SLC28A1: variants seen among roughly 807,000 people sequenced by gnomAD.
SLC28A1 encodes the protein sodium/nucleoside cotransporter 1.
Under a neutral mutation model 74.8 loss-of-function variants are expected in SLC28A1, and 64 were observed. That is an observed-to-expected ratio of 0.86 (90% CI 0.70 to 1.05). The LOEUF is 1.05. SLC28A1 is among the 50% of genes least tolerant of loss of function. SLC28A1 has a pLI of 0.00. For synonymous variants in SLC28A1, 359 were observed against 335.0 expected, an observed-to-expected ratio of 1.07 and a Z score of -0.78; for missense variants, 828 against 822.8, an observed-to-expected ratio of 1.01 and a Z score of -0.08.
intron 15 of SLC28A1, among the ~76,000 whole-genome samples, chr15:84,939,057 T>C (rs758626098): frequency 2.0e-5 from 3 of 152,150 alleles, no homozygotes; most frequent in Non-Finnish European, 4.4e-5. Context: ...TGGTGGCTCA[T>C]ACCTGTAACC....
the SLC28A1 span, among the ~76,000 whole-genome samples, chr15:84,974,186 T>C: frequency 6.6e-6 from 1 of 152,358 alleles, no homozygotes; most frequent in East Asian, 1.9e-4. Context: ...GTAACCAGTG[T>C]GCTGCTTTGC....
chr15:84,966,758 A>G, the SLC28A1 span, among the ~76,000 whole-genome samples: 1 of 152,174 alleles, frequency 6.6e-6, no homozygotes, highest in South Asian at 2.1e-4. Context: ...CTTATTCACT[A>G]TCACGAGAAC....
chr15:84,905,429 C>T, intron 7 of SLC28A1, 110 bp from the exon 8 acceptor site: 1 of 767,550 alleles, frequency 1.3e-6, no homozygotes, highest in African/African-American at 1.7e-5. Flanking sequence ...CTCTGCCTGG[C>T]TCCAGCCCCA....
At chr15:84,901,475 C>T (rs964660283) in intron 6 of SLC28A1, among the ~76,000 whole-genome samples, 4 of 151,820 alleles carry the variant, frequency 2.6e-5, no homozygotes, top group African/African-American at 9.7e-5. Flanking sequence ...TGCCTCTGCA[C>T]TCCAGCCTGT....
the SLC28A1 span, among the ~76,000 whole-genome samples, chr15:84,963,558 G>A: frequency 1.3e-5 from 2 of 152,216 alleles, no homozygotes; most frequent in South Asian, 2.1e-4. Flanking sequence ...CCACAACACA[G>A]TATGGGACAG....
chr15:84,956,442 C>CCTTTCTTTCTTTCTTTCTTTCTTTCTTT, the SLC28A1 span, among the ~76,000 whole-genome samples: 10 of 124,568 alleles, frequency 8.0e-5, no homozygotes, highest in Admixed American at 4.2e-4. Context: ...TTCCTTCCTT[C>CCTTTCTTTCTTTCTTTCTTTCTTTCTTT]CTTTCTTTCT....
At chr15:84,958,495 A>G in the SLC28A1 span, among the ~76,000 whole-genome samples, 1 of 151,524 alleles carries the variant, frequency 6.6e-6, no homozygotes, top group Non-Finnish European at 1.5e-5. Context: ...CACTTGGTTA[A>G]TAGCTTAGTA....
chr15:84,895,327 G>A, intron 6 of SLC28A1: 1 of 1,611,612 alleles, frequency 6.2e-7, no homozygotes, highest in Non-Finnish European at 8.5e-7. Context: ...CCCAGTTACA[G>A]CAGGTGACTG....
chr15:84,945,273 C>A lies in SLC28A1; in HGVS notation c.*73C>A. ...CGGGAACCATCTGTCCCCACCTTCC[C>A]TTTCCCAGAGCCCTCTTCAGGGAAG... On this transcript the variant is annotated 3_prime_UTR_variant, in exon 19 of 19. Transcript: ENST00000394573. The A allele has an allele frequency of 7.0e-7, 1 of 1,418,674 alleles. No homozygotes were observed. Among genetic ancestry groups the A allele is most frequent in the Non-Finnish European group, 9.9e-7 (1 of 1,005,166 alleles). The allele number at this position is 1,418,674 out of a possible 1,614,324, so 87.9% of individuals were successfully genotyped here. A position where few individuals can be genotyped will look rare whatever the true frequency, so the allele number is the denominator to read the frequency against.
intron 8 of SLC28A1, among the ~76,000 whole-genome samples, chr15:84,906,564 CTCTTTCTT>C (rs796479204): frequency 0.017 from 1,258 of 74,958 alleles, 37 homozygotes; most frequent in African/African-American, 0.037. Flanking sequence ...TTCTTTCTTT[CTCTTTCTT>C]TCTTCCTTCC....
chr15:84,901,006 G>C (rs980459204), intron 6 of SLC28A1, among the ~76,000 whole-genome samples: 1 of 150,112 alleles, frequency 6.7e-6, no homozygotes, highest in South Asian at 2.1e-4. Flanking sequence ...GGCAGATCAC[G>C]AGGTCAAGAG....
intron 9 of SLC28A1, among the ~76,000 whole-genome samples, chr15:84,915,598 C>T (rs1459596296): frequency 6.6e-6 from 1 of 152,188 alleles, no homozygotes; most frequent in Admixed American, 6.5e-5. Flanking sequence ...AGTCCCCACG[C>T]TTCCTCTGAC....
At chr15:84,912,158 CACA>C (rs1202891501) in intron 9 of SLC28A1, among the ~76,000 whole-genome samples, 5 of 152,200 alleles carry the variant, frequency 3.3e-5, no homozygotes, top group Non-Finnish European at 7.3e-5. Flanking sequence ...TCTCACTAAT[CACA>C]ACATTTTATT....
rs748632234 is a variant in SLC28A1 at position 84,904,099 on chromosome 15, G to T, written c.464G>T (p.Gly155Val). The T allele has an allele frequency of 9.3e-5, 150 of 1,614,106 alleles. No individual in the cohort carries two copies. Among genetic ancestry groups the T allele is most frequent in the Non-Finnish European group, 1.2e-4 (142 of 1,180,056 alleles). Reference protein sequence around the residue: ...HPRLLLWFKRGLALAAFLGLV... With the variant: ...HPRLLLWFKRVLALAAFLGLV... ...GGCTTTCTGTCTCTTGCCTGCAGGG[G>T]TCTAGCTCTTGCTGCTTTCCTGGGC... Residue 155 changes from glycine (G) to valine (V), a missense_variant and splice_region_variant, in exon 7 of 19, where the codon GGT becomes GTT. Physicochemically the swap from Gly to Val is moderately radical, Grantham distance 109. Coordinates refer to ENST00000394573, the MANE Select transcript of SLC28A1 (RefSeq NM_004213.5).
chr15:84,933,865 C>T (rs571462618), intron 13 of SLC28A1, among the ~76,000 whole-genome samples: 112 of 152,292 alleles, frequency 7.4e-4, no homozygotes, highest in Admixed American at 1.6e-3. Flanking sequence ...ATTCCAGCAA[C>T]TTAGGGGGCT....
chr15:84,972,371 A>G, the SLC28A1 span, among the ~76,000 whole-genome samples: 1 of 152,256 alleles, frequency 6.6e-6, no homozygotes, highest in Non-Finnish European at 1.5e-5. Context: ...GACCATGGGC[A>G]AGTCACCTCC....
chr15:84,932,837 C>T (rs1378507358), intron 12 of SLC28A1, among the ~76,000 whole-genome samples: 1 of 152,162 alleles, frequency 6.6e-6, no homozygotes, highest in African/African-American at 2.4e-5. Flanking sequence ...TCCTTCTCTT[C>T]CTTTATTTTG....
chr15:84,928,047 G>A (rs1970712585), intron 12 of SLC28A1, among the ~76,000 whole-genome samples: 1 of 152,200 alleles, frequency 6.6e-6, no homozygotes, highest in Admixed American at 6.5e-5. Flanking sequence ...CTGGAAGAAT[G>A]CTCGCCCATT....
At chr15:84,934,144 A>G (rs1342932414) in intron 13 of SLC28A1, among the ~76,000 whole-genome samples, 2 of 152,198 alleles carry the variant, frequency 1.3e-5, no homozygotes, top group African/African-American at 4.8e-5. Context: ...AAGTTTCAAA[A>G]TGAGTTTCCG....
Sources: gnomAD v4.1 joint callset for allele counts (sites outside exome capture counted in the v4.1 genomes callset) on GRCh38, gnomAD v4.1.1 for gene constraint, MANE v1.5 for transcripts, NCBI Gene and HGNC (gene_info 2026-07-23, HGNC 2026-07-21) for gene names.